FBH1: variants seen among roughly 807,000 people sequenced by gnomAD.
FBH1 encodes the protein DNA 3'-5' helicase 1.
In FBH1, 43 loss-of-function variants were observed where a neutral mutation model predicts 115.5. That is an observed-to-expected ratio of 0.37 (90% confidence interval 0.29 to 0.48). FBH1 has a LOEUF of 0.48. FBH1 is among the 20% of genes least tolerant of loss of function. The pLI, the probability that FBH1 is intolerant of heterozygous loss-of-function variation, is 0.99. For synonymous variants in FBH1, 524 were observed against 507.8 expected, an observed-to-expected ratio of 1.03 and a Z score of -0.43; for missense variants, 1,001 against 1,337.3, an observed-to-expected ratio of 0.75 and a Z score of 3.92.
Position 5,899,887 on chromosome 10 carries a change from A to T in FBH1, c.2-3133A>T, listed in dbSNP as rs554420105. On this transcript the variant is annotated intron_variant, in intron 1 of 20. Coordinates refer to ENST00000362091, the MANE Select transcript of FBH1 (RefSeq NM_178150.3). ...TTTCTTTCCAATGTAGAAAACTTCA[A>T]ATTTAGTTTTTAATGTAGAGAAACT... Among the ~76,000 whole-genome samples the T allele has an allele frequency of 3.3e-5, 5 of 152,352 alleles. No homozygotes were observed. In the Middle Eastern group the frequency reaches 0.01, roughly 311 times the overall value.
At position 5,900,687 on chromosome 10, in the gene FBH1, T is replaced by C. The variant is rs1453533924; in HGVS notation, c.2-2333T>C. ...AAGCTGGTATTAAACCTTGAAAAAG[T>C]TAACTGAAATTTGGAAGGGTGATTT... On this transcript the variant is annotated intron_variant, in intron 1 of 20. Transcript: ENST00000362091. The surrounding 1 kb of genome is among the most constrained non-coding windows in gnomAD (Gnocchi z 4.2). Among the ~76,000 whole-genome samples the C allele has an allele frequency of 6.6e-6, 1 of 152,192 alleles. No individual in the cohort carries two copies. Among genetic ancestry groups the C allele is most frequent in the Non-Finnish European group, 1.5e-5 (1 of 68,038 alleles).
rs762871616 is a variant in FBH1, at chr10:5,925,346, T to A, written c.2597-21T>A. On this transcript the variant is annotated intron_variant, in intron 17 of 20. Coordinates refer to ENST00000362091, the MANE Select transcript of FBH1 (RefSeq NM_178150.3). The surrounding 1 kb of genome is among the most constrained non-coding windows in gnomAD (Gnocchi z 4.6). The stretch of plus-strand genomic sequence containing the variant: ...TTTCCCTTTGAAGCACCATCTAACG[T>A]GTGCTGTGTTTTTATCCTAGAGTAC... 5 of 1,613,216 alleles carry A rather than the reference T, an allele frequency of 3.1e-6. No individual in the cohort carries two copies. Among genetic ancestry groups the A allele is most frequent in the Non-Finnish European group, 4.2e-6 (5 of 1,179,730 alleles).
chr10:5,895,047 G>T lies in FBH1; in HGVS notation c.1+4701G>T, dbSNP rs372680304. The T allele has an allele frequency of 3.7e-6, 6 of 1,608,344 alleles. No individual in the cohort carries two copies. Among genetic ancestry groups the T allele is most frequent in the African/African-American group, 2.7e-5 (2 of 74,698 alleles). On this transcript the variant is annotated intron_variant, in intron 1 of 20. Coordinates refer to ENST00000362091, the MANE Select transcript of FBH1 (RefSeq NM_178150.3). This position sits in a 1 kb window ranked among gnomAD's most constrained non-coding sequence, Gnocchi z 5.0. The stretch of plus-strand genomic sequence containing the variant: ...TAACTGTTGAAATTGGGCCATTCCC[G>T]TTTCACAGGCTGCCATTGGACCTGT...
intron 2 of FBH1, among the ~76,000 whole-genome samples, chr10:5,904,340 C>A (rs534770903): frequency 5.3e-5 from 8 of 152,292 alleles, no homozygotes; most frequent in African/African-American, 1.9e-4. Context: ...GCCTGGTTGT[C>A]TTTAACTATT....
chr10:5,913,637 G>C lies in FBH1; in HGVS notation c.1212-110G>C, dbSNP rs751097120. ...TTCTTTTTTCCATTAAATGGTGGTA[G>C]GTATTTTCTTTTTAGAAATGGGAAG... On this transcript the variant is annotated intron_variant, in intron 6 of 20. Transcript: ENST00000362091. This position sits in a 1 kb window ranked among gnomAD's most constrained non-coding sequence, Gnocchi z 4.4. 2.5e-4 allele frequency: 170 copies of C among 688,296 alleles called. No individual in the cohort carries two copies. Among genetic ancestry groups the C allele is most frequent in the Non-Finnish European group, 3.7e-4 (156 of 416,612 alleles). The allele number at this position is 688,296 out of a possible 1,614,324, so 42.6% of individuals were successfully genotyped here.
Position 5,936,586 on chromosome 10 carries a change from A to G in FBH1, c.2960A>G (p.Tyr987Cys), listed in dbSNP as rs1460402955. 16 of 1,613,610 alleles carry G rather than the reference A, an allele frequency of 9.9e-6. No homozygotes were observed. The highest frequency in any genetic ancestry group is 1.2e-5 in the Non-Finnish European group (14 of 1,179,680). ...ACCATGAAGAAGCTGCCCATCACCTATGTACGTCTGCTGTCTGTGGAACTT... is the reference window on the plus strand; with the variant it reads ...ACCATGAAGAAGCTGCCCATCACCTGTGTACGTCTGCTGTCTGTGGAACTT... ...VLTMKKLPIT[Y>C]SNRKENKGGY... is the part of the protein sequence containing the mutation. The change falls in exon 20 of 21, where the codon TAT becomes TGT. Residue 987 changes from tyrosine to cysteine, a missense_variant and splice_region_variant. By Grantham distance (194) the Tyr-to-Cys change is radical. Coordinates refer to ENST00000362091, the MANE Select transcript of FBH1 (RefSeq NM_178150.3). This position sits in a 1 kb window ranked among gnomAD's most constrained non-coding sequence, Gnocchi z 5.6.
chr10:5,893,850 C>T (rs1049529251), intron 1 of FBH1: 16 of 291,702 alleles, frequency 5.5e-5, no homozygotes, highest in Non-Finnish European at 7.7e-5. Context: ...TGGGACATAG[C>T]AGATACGTAA....
At position 5,915,434 on chromosome 10, in the gene FBH1, T is replaced by C. The variant is rs373756277; in HGVS notation, c.1428T>C (p.Tyr476=). The change falls in exon 9 of 21, where the codon TAT becomes TAC. Residue 476 remains tyrosine (Y), a synonymous_variant. Coordinates refer to ENST00000362091, the MANE Select transcript of FBH1 (RefSeq NM_178150.3). This position sits in a 1 kb window ranked among gnomAD's most constrained non-coding sequence, Gnocchi z 5.2. ...GTGKTSTLVK[Y]AEKWSQSRFL... The stretch of plus-strand genomic sequence containing the variant: ...GGAAGACCTCAACGCTGGTCAAGTA[T>C]GCAGAGAAGTGGTCTCAGAGCAGGT... 42 of 1,614,222 alleles carry C rather than the reference T, an allele frequency of 2.6e-5. No individual in the cohort carries two copies. The African/African-American group carries it at 3.5e-4, about 13-fold the overall frequency.
chr10:5,903,003 C>G lies in FBH1; in HGVS notation c.2-17C>G. The G allele has an allele frequency of 1.3e-6, 2 of 1,593,712 alleles. No homozygotes were observed. Among genetic ancestry groups the G allele is most frequent in the Admixed American group, 3.4e-5 (2 of 58,076 alleles). ...CTAATGAATATCCCCTTTCTTCTAC[C>G]TGCTGGTATGAAACAGTGAGACGGT... On this transcript the variant is annotated splice_polypyrimidine_tract_variant and intron_variant, in intron 1 of 20. Coordinates refer to ENST00000362091, the MANE Select transcript of FBH1 (RefSeq NM_178150.3).
At position 5,906,876 on chromosome 10, in the gene FBH1, C is replaced by T. The variant is rs1317188340; in HGVS notation, c.753+244C>T. Among the ~76,000 whole-genome samples, 1 of 152,168 alleles carries T rather than the reference C, an allele frequency of 6.6e-6. No homozygotes were observed. Among genetic ancestry groups the T allele is most frequent in the Non-Finnish European group, 1.5e-5 (1 of 68,026 alleles). On this transcript the variant is annotated intron_variant, in intron 3 of 20. Transcript: ENST00000362091. The surrounding 1 kb of genome is among the most constrained non-coding windows in gnomAD (Gnocchi z 7.3). The stretch of plus-strand genomic sequence containing the variant: ...CTACAGCTCATCTGCTGTGCCCTGA[C>T]CACAGACTGCACATTCCTTCCCCTC...
intron 13 of FBH1, among the ~76,000 whole-genome samples, chr10:5,920,686 A>G (rs1036297032): frequency 2.0e-5 from 3 of 152,330 alleles, no homozygotes; most frequent in Non-Finnish European, 2.9e-5. Context: ...ACCAAAGCAC[A>G]TGAAGTTGTG....
At chr10:5,926,059 C>A (rs1832627711) in intron 18 of FBH1, among the ~76,000 whole-genome samples, 2 of 152,120 alleles carry the variant, frequency 1.3e-5, no homozygotes, top group African/African-American at 4.8e-5. Context: ...GCGTCAGCCA[C>A]CACAGACATT....
At chr10:5,891,164 C>T (rs1842699600) in intron 1 of FBH1, 3 of 985,716 alleles carry the variant, frequency 3.0e-6, no homozygotes, top group East Asian at 1.1e-4. Flanking sequence ...GTTGAGTGTC[C>T]GCCAGCGTCT....
At chr10:5,901,258 T>G (rs746978660) in intron 1 of FBH1, among the ~76,000 whole-genome samples, 19 of 152,070 alleles carry the variant, frequency 1.2e-4, no homozygotes, top group African/African-American at 4.6e-4. Flanking sequence ...CTGCAACCTC[T>G]GCCTCCCACG....
chr10:5,892,312 G>A (rs1004044255), intron 1 of FBH1, among the ~76,000 whole-genome samples: 6 of 152,156 alleles, frequency 3.9e-5, no homozygotes, highest in African/African-American at 1.4e-4. Flanking sequence ...CATGCCCATT[G>A]GTACACTGAT....
At chr10:5,927,991 T>G (rs775433314) in intron 19 of FBH1, among the ~76,000 whole-genome samples, 4 of 145,462 alleles carry the variant, frequency 2.7e-5, no homozygotes, top group Non-Finnish European at 4.5e-5. Context: ...AGAAATCACT[T>G]GAACCTGGGA....
Position 5,909,455 on chromosome 10 carries a change from G to T in FBH1, c.1020+161G>T. On this transcript the variant is annotated intron_variant, in intron 5 of 20. Coordinates refer to ENST00000362091, the MANE Select transcript of FBH1 (RefSeq NM_178150.3). This position sits in a 1 kb window ranked among gnomAD's most constrained non-coding sequence, Gnocchi z 4.4. ...TCATGTTGTCATTGTCCCCAGTGGA[G>T]AAATAAAAGGCCATATAATTGTAGA... is the stretch of plus-strand genomic sequence containing the variant. The T allele has an allele frequency of 1.3e-6, 1 of 773,866 alleles. No individual in the cohort carries two copies. Among genetic ancestry groups the T allele is most frequent in the East Asian group, 2.8e-5 (1 of 36,328 alleles). 47.9% of individuals were successfully genotyped at this position (773,866 alleles called of 1,614,324 possible).
chr10:5,932,546 C>T lies in FBH1; in HGVS notation c.2830-3910C>T, dbSNP rs762402938. ...TGTGTTGACGCACTGTGATTTATGCCGTTCTCGCTCATGGACGTGGTCACT... is the reference window on the plus strand; with the variant it reads ...TGTGTTGACGCACTGTGATTTATGCTGTTCTCGCTCATGGACGTGGTCACT... On this transcript the variant is annotated intron_variant, in intron 19 of 20. Transcript: ENST00000362091. The surrounding 1 kb of genome is among the most constrained non-coding windows in gnomAD (Gnocchi z 5.9). Among the ~76,000 whole-genome samples the T allele has an allele frequency of 2.6e-4, 40 of 152,184 alleles. No individual in the cohort carries two copies. Among genetic ancestry groups the T allele is most frequent in the Admixed American group, 5.9e-4 (9 of 15,282 alleles).
At chr10:5,928,501 G>T (rs575085477) in intron 19 of FBH1, 1 of 152,166 alleles carries the variant, frequency 6.6e-6, no homozygotes, top group Non-Finnish European at 1.5e-5. Flanking sequence ...TGTGCACCCA[G>T]CCTTCCTCCC....
Sources: gnomAD v4.1 joint callset for allele counts (sites outside exome capture counted in the v4.1 genomes callset) on GRCh38, gnomAD v4.1.1 for gene constraint, Gnocchi (gnomAD v3.1) non-coding constraint, MANE v1.5 for transcripts, NCBI Gene and HGNC (gene_info 2026-07-23, HGNC 2026-07-21) for gene names.